The following PDE3A variants were observed in gnomAD, a reference collection of about 807,000 sequenced individuals.
The protein encoded by PDE3A is phosphodiesterase 3A, also known as cGMP-inhibited 3',5'-cyclic phosphodiesterase 3A.
Under a neutral mutation model 98.3 loss-of-function variants are expected in PDE3A, and 43 were observed. That is an observed-to-expected ratio of 0.44 (90% CI 0.34 to 0.56). The LOEUF (loss-of-function observed/expected upper bound fraction) is 0.56, where lower values mean the gene tolerates loss of function less well. Among genes scored for constraint, PDE3A ranks in the 20% least tolerant of loss-of-function variants. PDE3A has a pLI of 0.01. For missense variants in PDE3A, 1,427 were observed against 1,440.7 expected (o/e 0.99, Z 0.15); for synonymous variants, 663 against 567.9 (o/e 1.17, Z -2.38).
intron 1 of PDE3A, among the ~76,000 whole-genome samples, chr12:20,543,142 A>C (rs1200437223): frequency 6.6e-6 from 1 of 152,040 alleles, no homozygotes; most frequent in Non-Finnish European, 1.5e-5. Flanking sequence ...CCTTGTTTAA[A>C]TATTTCATGA....
Position 20,447,014 on chromosome 12 carries a change from G to A in PDE3A, c.960+76770G>A, listed in dbSNP as rs1336971911. On this transcript the variant is annotated intron_variant, in intron 1 of 15. Transcript: ENST00000359062. ...TGAAGGCAGCAGTGAGAAATGCCCTGGAAGCCTGTGCCAGACATATTGAGG... is the reference window on the plus strand; with the variant it reads ...TGAAGGCAGCAGTGAGAAATGCCCTAGAAGCCTGTGCCAGACATATTGAGG... Among the ~76,000 whole-genome samples, 6 of 152,120 alleles carry A rather than the reference G, an allele frequency of 3.9e-5. No individual in the cohort carries two copies. In the East Asian group the frequency reaches 9.6e-4, roughly 24 times the overall value.
In PDE3A at chr12:20,685,613, T is replaced by C. The variant is rs78973990; in HGVS notation, c.*5342T>C. On this transcript the variant is annotated 3_prime_UTR_variant, in exon 16 of 16. Coordinates refer to ENST00000359062, the MANE Select transcript of PDE3A (RefSeq NM_000921.5). ...GAAAACAAAATTAGCTTTTGACATA[T>C]GTTTAAGTCTCTAAAAGGAATCCAC... Among the ~76,000 whole-genome samples the C allele has an allele frequency of 2.5e-3, 385 of 152,180 alleles. 3 individuals are homozygous for C. Among genetic ancestry groups the C allele is most frequent in the African/African-American group, 8.5e-3 (354 of 41,528 alleles).
At position 20,683,663 on chromosome 12, in the gene PDE3A, C is replaced by A. The variant is rs1189160267; in HGVS notation, c.*3392C>A. On this transcript the variant is annotated 3_prime_UTR_variant, in exon 16 of 16. Coordinates refer to ENST00000359062, the MANE Select transcript of PDE3A (RefSeq NM_000921.5). ...AATATTTTTTGTCATTTAGATAAGA[C>A]CTGGTTTGGCTCTCAATAAAAGATG... is the stretch of plus-strand genomic sequence containing the variant. 1 of 152,018 alleles carries A rather than the reference C, an allele frequency of 6.6e-6. No individual in the cohort carries two copies. Among genetic ancestry groups the A allele is most frequent in the Non-Finnish European group, 1.5e-5 (1 of 68,006 alleles). The allele number at this position is 152,018 out of a possible 1,614,324, so 9.4% of individuals were successfully genotyped here.
intron 1 of PDE3A, among the ~76,000 whole-genome samples, chr12:20,418,615 C>A (rs1351342891): frequency 1.3e-5 from 2 of 152,072 alleles, no homozygotes; most frequent in South Asian, 2.1e-4. Flanking sequence ...CTGTTTATTG[C>A]CGATTTCTCT....
chr12:20,613,322 C>T (rs1216836790), intron 2 of PDE3A, 121 bp from the exon 3 acceptor site: 1 of 876,562 alleles, frequency 1.1e-6, no homozygotes, highest in African/African-American at 1.7e-5. Flanking sequence ...GTGAATTTTA[C>T]TGTACTGAAA....
intron 9 of PDE3A, among the ~76,000 whole-genome samples, chr12:20,637,991 A>T (rs139022183): frequency 6.6e-6 from 1 of 152,204 alleles, no homozygotes; most frequent in African/African-American, 2.4e-5. Flanking sequence ...CACATGTTTT[A>T]GGTGTATTCT....
intron 1 of PDE3A, among the ~76,000 whole-genome samples, chr12:20,402,045 A>G (rs1944141796): frequency 6.6e-6 from 1 of 152,214 alleles, no homozygotes; most frequent in Non-Finnish European, 1.5e-5. Flanking sequence ...TAGGTTCAGT[A>G]TGTATCTGTG....
chr12:20,428,947 C>G (rs1163298919), intron 1 of PDE3A, among the ~76,000 whole-genome samples: 1 of 152,168 alleles, frequency 6.6e-6, no homozygotes, highest in East Asian at 1.9e-4. Flanking sequence ...TGTAGTCACC[C>G]AAAGAGCTGA....
chr12:20,447,411 C>T (rs1185884151), intron 1 of PDE3A, among the ~76,000 whole-genome samples: 4 of 152,194 alleles, frequency 2.6e-5, no homozygotes. Context: ...CCAGAATGGT[C>T]AGGGGATTGG....
chr12:20,459,077 C>G (rs1945202819), intron 1 of PDE3A, among the ~76,000 whole-genome samples: 1 of 152,142 alleles, frequency 6.6e-6, no homozygotes, highest in Non-Finnish European at 1.5e-5. Flanking sequence ...TTATGGATGA[C>G]TTTTCCTTCC....
intron 15 of PDE3A, among the ~76,000 whole-genome samples, chr12:20,670,476 G>A (rs1005586457): frequency 1.6e-4 from 25 of 152,100 alleles, no homozygotes; most frequent in African/African-American, 3.1e-4. Flanking sequence ...AATGTAAAAG[G>A]ACAGAAATTA....
intron 2 of PDE3A, among the ~76,000 whole-genome samples, chr12:20,591,248 CTAT>C (rs1177242754): frequency 6.6e-6 from 1 of 152,140 alleles, no homozygotes; most frequent in Non-Finnish European, 1.5e-5. Flanking sequence ...CAGTAATATA[CTAT>C]ATTTCATATG....
intron 2 of PDE3A, among the ~76,000 whole-genome samples, chr12:20,583,357 A>G (rs996114738): frequency 6.6e-6 from 1 of 152,206 alleles, no homozygotes; most frequent in Non-Finnish European, 1.5e-5. Context: ...ATGAAATTTA[A>G]CTATATAATC....
chr12:20,580,732 T>A (rs1173873432), intron 2 of PDE3A, among the ~76,000 whole-genome samples: 1 of 152,210 alleles, frequency 6.6e-6, no homozygotes, highest in Non-Finnish European at 1.5e-5. Flanking sequence ...AGAGCAATAA[T>A]GTGTGCTAAG....
intron 2 of PDE3A, among the ~76,000 whole-genome samples, chr12:20,569,802 T>C (rs1942752810): frequency 6.6e-6 from 1 of 152,178 alleles, no homozygotes; most frequent in South Asian, 2.1e-4. Context: ...AAACAAAAAG[T>C]AAGATTTAAG....
intron 2 of PDE3A, among the ~76,000 whole-genome samples, chr12:20,594,603 G>T (rs746390888): frequency 6.6e-6 from 1 of 151,292 alleles, no homozygotes; most frequent in South Asian, 2.1e-4. Context: ...ATGAAATGAC[G>T]CTCATCTTTA....
chr12:20,511,823 C>T (rs911328190), intron 1 of PDE3A, among the ~76,000 whole-genome samples: 4 of 152,130 alleles, frequency 2.6e-5, no homozygotes, highest in South Asian at 2.1e-4. Flanking sequence ...GACACTGCCT[C>T]AGCCAGATGA....
In PDE3A at chr12:20,370,240, A is replaced by C. The variant is rs747559632; in HGVS notation, c.956A>C (p.Glu319Ala). 1 of 1,549,946 alleles carries C rather than the reference A, an allele frequency of 6.5e-7. No homozygotes were observed. Among genetic ancestry groups the C allele is most frequent in the Non-Finnish European group, 8.7e-7 (1 of 1,151,794 alleles). The change falls in exon 1 of 16, where the codon GAA becomes GCA. Residue 319 changes from glutamate (E) to alanine (A), a missense_variant. Transcript: ENST00000359062. Reference protein sequence around the residue: ...RRTSLPCIPREQLMGHSEWDH... With the variant: ...RRTSLPCIPRAQLMGHSEWDH... Reference sequence around the variant, plus strand: ...ACCTCCCTGCCCTGTATACCGAGGGAACAGGTAAGCACTGGCAACTCCTCT... The same window carrying C: ...ACCTCCCTGCCCTGTATACCGAGGGCACAGGTAAGCACTGGCAACTCCTCT...
intron 1 of PDE3A, among the ~76,000 whole-genome samples, chr12:20,469,207 C>A (rs1220916586): frequency 6.6e-6 from 1 of 152,160 alleles, no homozygotes; most frequent in Non-Finnish European, 1.5e-5. Context: ...TACCTCTGAG[C>A]CATTCTTTAA....
Sources: gnomAD v4.1 joint callset for allele counts (sites outside exome capture counted in the v4.1 genomes callset) on GRCh38, gnomAD v4.1.1 for gene constraint, MANE v1.5 for transcripts, NCBI Gene and HGNC (gene_info 2026-07-23, HGNC 2026-07-21) for gene names.